The following TASOR variants were observed in gnomAD, a reference collection of about 807,000 sequenced individuals.
TASOR encodes the protein transcription activation suppressor, also known as protein TASOR.
Under a neutral mutation model 178.6 loss-of-function variants are expected in TASOR, and 53 were observed. The observed-to-expected ratio is 0.30, with a 90% CI of 0.24 to 0.37. The LOEUF (loss-of-function observed/expected upper bound fraction) is 0.37, where lower values mean the gene tolerates loss of function less well. Among genes scored for constraint, TASOR ranks in the 10% least tolerant of loss-of-function variants. The pLI is 1.00. For synonymous variants in TASOR, 713 were observed against 696.2 expected (o/e 1.02, Z -0.38); for missense variants, 1,815 against 1,971.4 (o/e 0.92, Z 1.50).
intron 21 of TASOR, among the ~76,000 whole-genome samples, chr3:56,626,497 C>G (rs1354443865): frequency 1.3e-5 from 2 of 152,104 alleles, no homozygotes; most frequent in Non-Finnish European, 2.9e-5. Context: ...AATCCCAGCA[C>G]TTTGGGAGGC....
chr3:56,640,859 G>A (rs1236140667), intron 15 of TASOR, among the ~76,000 whole-genome samples: 1 of 152,166 alleles, frequency 6.6e-6, no homozygotes, highest in Non-Finnish European at 1.5e-5. Flanking sequence ...AAGCAAGGCT[G>A]AGAGTCACTT....
At chr3:56,680,753 A>T (rs2031710504) in intron 1 of TASOR, among the ~76,000 whole-genome samples, 2 of 152,128 alleles carry the variant, frequency 1.3e-5, no homozygotes, top group Admixed American at 1.3e-4. Context: ...ATAATTACAC[A>T]AGTTAAAAAT....
At chr3:56,636,372 T>C (rs2107551795) in intron 17 of TASOR, among the ~76,000 whole-genome samples, 1 of 152,010 alleles carries the variant, frequency 6.6e-6, no homozygotes, top group Non-Finnish European at 1.5e-5. Context: ...TGTCAATCCA[T>C]AATAAAGCTT....
rs747706390 is a variant in TASOR at position 56,682,758 on chromosome 3, G to A, written c.249C>T (p.Ala83=). 3.2e-6 allele frequency: 5 copies of A among 1,539,352 alleles called. No homozygotes were observed. The highest frequency in any genetic ancestry group is 4.1e-5 in the Admixed American group (2 of 48,324). ...QPQDSSEAGA[A]ALPRGPEEPE... The stretch of plus-strand genomic sequence containing the variant: ...GCTCTTCGGGGCCTCTGGGCAGGGC[G>A]GCCGCGCCCGCCTCAGAGGAGTCCT... The change falls in exon 1 of 24, where the codon GCC becomes GCT. Residue 83 remains alanine, a synonymous_variant. Transcript: ENST00000683822.
rs1013078076 is a variant in TASOR, at chr3:56,624,656, A to C, written c.4319-13T>G. Reference sequence around the variant, plus strand: ...TTGATGTTCTTCTCTAAATTAAGAAAAAAAGTTTCATGTATGAAACACTTC... The same window carrying C: ...TTGATGTTCTTCTCTAAATTAAGAACAAAAGTTTCATGTATGAAACACTTC... On this transcript the variant is annotated splice_polypyrimidine_tract_variant and intron_variant, in intron 22 of 23. Transcript: ENST00000683822. 1.2e-6 allele frequency: 2 copies of C among 1,604,318 alleles called. No homozygotes were observed. The highest frequency in any genetic ancestry group is 1.7e-4 in the Middle Eastern group (1 of 5,906).
intron 11 of TASOR, among the ~76,000 whole-genome samples, chr3:56,658,993 T>C (rs1429180064): frequency 6.6e-6 from 1 of 151,652 alleles, no homozygotes; most frequent in Non-Finnish European, 1.5e-5. Context: ...CGCGTGTGTG[T>C]TTTAATTCTA....
chr3:56,643,220 G>C (rs1323966093), intron 14 of TASOR, among the ~76,000 whole-genome samples: 1 of 151,618 alleles, frequency 6.6e-6, no homozygotes, highest in East Asian at 1.9e-4. Context: ...CCGAGATCGG[G>C]TCACTGCACT....
At chr3:56,655,298 A>T (rs1216184217) in intron 11 of TASOR, among the ~76,000 whole-genome samples, 14 of 152,318 alleles carry the variant, frequency 9.2e-5, no homozygotes, top group Admixed American at 5.9e-4. Flanking sequence ...ATGGAAAAAG[A>T]AGTAGTATAT....
chr3:56,621,274 C>A lies in TASOR; in HGVS notation c.*1763G>T. 3.6e-6 allele frequency: 1 copy of A among 279,954 alleles called. No homozygotes were observed. The highest frequency in any genetic ancestry group is 6.6e-6 in the Non-Finnish European group (1 of 150,682). 17.3% of individuals were successfully genotyped at this position (279,954 alleles called of 1,614,324 possible). A position where few individuals can be genotyped will look rare whatever the true frequency, so the allele number is the denominator to read the frequency against. ...GGGGAGAAGGGATGACTTCATTTACCCCCATAGTTATGGAGTCTTGAGTTC... is the reference window on the plus strand; with the variant it reads ...GGGGAGAAGGGATGACTTCATTTACACCCATAGTTATGGAGTCTTGAGTTC... On this transcript the variant is annotated 3_prime_UTR_variant, in exon 24 of 24. Transcript: ENST00000683822.
intron 4 of TASOR, 93 bp from the exon 5 acceptor site, chr3:56,669,884 A>G: frequency 9.9e-7 from 1 of 1,008,878 alleles, no homozygotes; most frequent in East Asian, 2.6e-5. Flanking sequence ...TCCTTCATCA[A>G]TTTGAGGTGT....
chr3:56,631,557 C>CGTGTGTGT (rs144457927), intron 18 of TASOR, among the ~76,000 whole-genome samples: 2 of 147,522 alleles, frequency 1.4e-5, no homozygotes, highest in African/African-American at 5.0e-5. Context: ...CACAGAAAGG[C>CGTGTGTGT]GTGTGTGTGT....
At chr3:56,655,262 G>C (rs1399612958) in intron 11 of TASOR, among the ~76,000 whole-genome samples, 1 of 152,048 alleles carries the variant, frequency 6.6e-6, no homozygotes, top group Non-Finnish European at 1.5e-5. Flanking sequence ...CAACTTCTTA[G>C]TACAGATCCT....
chr3:56,650,498 C>G (rs1341138627), intron 11 of TASOR, among the ~76,000 whole-genome samples: 1 of 152,142 alleles, frequency 6.6e-6, no homozygotes, highest in Non-Finnish European at 1.5e-5. Flanking sequence ...GTCATGGGGT[C>G]AGATGACCAA....
chr3:56,681,931 G>A (rs1273749516), intron 1 of TASOR, among the ~76,000 whole-genome samples: 2 of 152,144 alleles, frequency 1.3e-5, no homozygotes, highest in Non-Finnish European at 2.9e-5. Context: ...GACCAAGTTG[G>A]TGACTCTTGA....
At chr3:56,673,860 C>T (rs2030993788) in intron 1 of TASOR, 135 bp from the exon 2 acceptor site, 2 of 719,036 alleles carry the variant, frequency 2.8e-6, no homozygotes, top group Non-Finnish European at 4.4e-6. Context: ...TTGTGATACG[C>T]AAAAGAGATA....
intron 14 of TASOR, among the ~76,000 whole-genome samples, chr3:56,645,666 G>A (rs1258898439): frequency 6.6e-6 from 1 of 151,988 alleles, no homozygotes; most frequent in East Asian, 1.9e-4. Context: ...ATCTTTTTCT[G>A]TCAACTAAAA....
intron 14 of TASOR, 55 bp downstream of exon 14, chr3:56,646,467 G>A: frequency 1.4e-6 from 2 of 1,422,894 alleles, no homozygotes; most frequent in East Asian, 4.6e-5. Flanking sequence ...TCTGCTACAA[G>A]AAAGAACAGA....
At chr3:56,672,373 A>C (rs1355123853) in intron 2 of TASOR, among the ~76,000 whole-genome samples, 1 of 152,220 alleles carries the variant, frequency 6.6e-6, no homozygotes, top group Non-Finnish European at 1.5e-5. Context: ...CATCAATTCA[A>C]ACTACTAAGA....
At chr3:56,634,539 T>C (rs949032411) in intron 17 of TASOR, among the ~76,000 whole-genome samples, 1 of 152,200 alleles carries the variant, frequency 6.6e-6, no homozygotes, top group Non-Finnish European at 1.5e-5. Context: ...TTTCCTGTAA[T>C]GTCAGGGACT....
Sources: gnomAD v4.1 joint callset for allele counts (sites outside exome capture counted in the v4.1 genomes callset) on GRCh38, gnomAD v4.1.1 for gene constraint, MANE v1.5 for transcripts, NCBI Gene and HGNC (gene_info 2026-07-23, HGNC 2026-07-21) for gene names.